The following DMD variants were observed in gnomAD, a reference collection of about 807,000 sequenced individuals.
DMD encodes dystrophin.
Under a neutral mutation model 330.1 loss-of-function variants are expected in DMD, and 63 were observed. That is an observed-to-expected ratio of 0.19 (90% CI 0.16 to 0.24). The LOEUF (loss-of-function observed/expected upper bound fraction) is 0.24. Among genes scored for constraint, DMD ranks in the 10% least tolerant of loss-of-function variants. The pLI is 1.00. For missense variants in DMD, 3,344 were observed against 2,684.1 expected, an observed-to-expected ratio of 1.25 and a Z score of -5.43; for synonymous variants, 1,223 against 959.8, an observed-to-expected ratio of 1.27 and a Z score of -5.07.
chrX:31,721,683 TCA>T (rs775842986), intron 52 of DMD, among the ~76,000 whole-genome samples: 5,440 of 38,990 alleles, frequency 0.14, 210 homozygotes, highest in East Asian at 0.22. Context: ...TCTCTCTCTC[TCA>T]CTCTCTCTCT....
At chrX:31,745,658 G>A (rs2087768308) in intron 51 of DMD, among the ~76,000 whole-genome samples, 1 of 112,009 alleles carries the variant, frequency 8.9e-6, no homozygotes, top group Non-Finnish European at 1.9e-5. Context: ...CCCATTGCTT[G>A]TAAAAACTGT....
intron 7 of DMD, among the ~76,000 whole-genome samples, chrX:32,708,287 T>G (rs1248023985): frequency 9.4e-6 from 1 of 106,857 alleles, no homozygotes; most frequent in African/African-American, 3.5e-5. Flanking sequence ...ATGATCAGGT[T>G]TTTTTTTTTT....
At chrX:32,847,569 G>A (rs1375668259) in intron 3 of DMD, among the ~76,000 whole-genome samples, 3 of 112,320 alleles carry the variant, frequency 2.7e-5, no homozygotes, top group African/African-American at 9.7e-5. Context: ...CTGGGATCGG[G>A]AGCATTTGTT....
chrX:31,353,103 A>G (rs1219802037), intron 60 of DMD, among the ~76,000 whole-genome samples: 1 of 110,986 alleles, frequency 9.0e-6, no homozygotes, highest in Admixed American at 9.7e-5. Context: ...CAAAAAACAA[A>G]TGCTATAGTC....
chrX:31,449,997 A>G (rs992619167), intron 59 of DMD, among the ~76,000 whole-genome samples: 1 of 109,169 alleles, frequency 9.2e-6, no homozygotes, highest in African/African-American at 3.3e-5. Context: ...CTTGGGCTAC[A>G]TACACGTGCA....
intron 1 of DMD, among the ~76,000 whole-genome samples, chrX:33,238,980 G>A (rs958025940): frequency 3.6e-5 from 4 of 110,611 alleles, no homozygotes; most frequent in Non-Finnish European, 5.7e-5. Context: ...ATACTGGCCG[G>A]GTGTGGTGGC....
intron 44 of DMD, among the ~76,000 whole-genome samples, chrX:32,202,254 C>T (rs2097043614): frequency 8.9e-6 from 1 of 111,940 alleles, no homozygotes; most frequent in African/African-American, 3.2e-5. Context: ...TAGTTTCTTC[C>T]CTATATTTTT....
chrX:31,473,866 C>T (rs1050959952), intron 59 of DMD, among the ~76,000 whole-genome samples: 12 of 111,290 alleles, frequency 1.1e-4, no homozygotes, highest in Non-Finnish European at 1.7e-4. Flanking sequence ...ATGTGGAACA[C>T]CTAGTAATTC....
Position 31,929,669 on chromosome X carries a change from C to T in DMD, c.6839G>A (p.Ser2280Asn), listed in dbSNP as rs1060502614. Residue 2280 changes from serine (S) to asparagine (N), a missense_variant, in exon 47 of 79, where the codon AGT (serine) becomes AAT (asparagine). Ser to Asn is a conservative substitution (Grantham distance 46). Coordinates refer to ENST00000357033, the MANE Select transcript of DMD (RefSeq NM_004006.3). The stretch of plus-strand genomic sequence containing the variant: ...TTGCTCTTCTGGGCTTATGGGAGCA[C>T]TTACAAGCACGGGTCCTCCAGTTTC... The part of the protein sequence containing the change: ...LNETGGPVLV[S>N]APISPEEQDK... 5.0e-6 allele frequency: 6 copies of T among 1,211,514 alleles called. No homozygotes were observed. The highest frequency in any genetic ancestry group is 6.7e-6 in the Non-Finnish European group (6 of 895,358).
intron 47 of DMD, among the ~76,000 whole-genome samples, chrX:31,921,911 T>C (rs1274954964): frequency 8.9e-6 from 1 of 112,107 alleles, no homozygotes; most frequent in African/African-American, 3.2e-5. Context: ...GTAAAGTGTC[T>C]GATCCATATT....
At chrX:32,154,547 A>T (rs2147197563) in intron 44 of DMD, among the ~76,000 whole-genome samples, 1 of 111,749 alleles carries the variant, frequency 8.9e-6, no homozygotes, top group South Asian at 3.7e-4. Context: ...TAGAGGTTCA[A>T]CCTAGTGTTT....
chrX:32,780,945 A>T (rs1440950105), intron 7 of DMD, among the ~76,000 whole-genome samples: 14 of 106,174 alleles, frequency 1.3e-4, no homozygotes, highest in South Asian at 1.2e-3. Flanking sequence ...AAAAAAAAAT[A>T]AAAAAAAATA....
intron 44 of DMD, among the ~76,000 whole-genome samples, chrX:32,032,746 C>T (rs894754794): frequency 3.6e-5 from 4 of 112,143 alleles, no homozygotes; most frequent in Non-Finnish European, 7.5e-5. Flanking sequence ...CTAGAAGCCC[C>T]GCTCCCATGA....
chrX:31,901,218 A>G (rs1345644301), intron 47 of DMD, among the ~76,000 whole-genome samples: 7 of 112,000 alleles, frequency 6.3e-5, no homozygotes, highest in Non-Finnish European at 1.1e-4. Flanking sequence ...ACTCAGAGAT[A>G]AAGATTTAAG....
chrX:31,209,415 T>C, intron 65 of DMD, 83 bp downstream of exon 65: 1 of 955,958 alleles, frequency 1.0e-6, no homozygotes, highest in Non-Finnish European at 1.5e-6. Flanking sequence ...CAGGGCCCTG[T>C]TGTAATGCTA....
At chrX:32,147,877 CTTT>C (rs779461772) in intron 44 of DMD, among the ~76,000 whole-genome samples, 3 of 87,964 alleles carry the variant, frequency 3.4e-5, no homozygotes, top group African/African-American at 4.2e-5. Context: ...AAAATTTCTT[CTTT>C]TTTTTTTTTT....
intron 41 of DMD, among the ~76,000 whole-genome samples, chrX:32,314,228 T>C (rs1181082240): frequency 1.8e-5 from 2 of 111,476 alleles, no homozygotes; most frequent in African/African-American, 3.3e-5. Context: ...AACAGAGGCC[T>C]CAGAAATATC....
chrX:32,264,778 T>A (rs1603629569), intron 43 of DMD, among the ~76,000 whole-genome samples: 1 of 111,787 alleles, frequency 8.9e-6, no homozygotes, highest in Non-Finnish European at 1.9e-5. Context: ...ATCTGTGGAA[T>A]TTTGAACATG....
At chrX:32,090,381 G>A (rs1029616024) in intron 44 of DMD, among the ~76,000 whole-genome samples, 1 of 112,044 alleles carries the variant, frequency 8.9e-6, no homozygotes, top group Non-Finnish European at 1.9e-5. Flanking sequence ...TGAAGGAAGA[G>A]TGTCTTCAGA....
Sources: gnomAD v4.1 joint callset for allele counts (sites outside exome capture counted in the v4.1 genomes callset) on GRCh38, gnomAD v4.1.1 for gene constraint, MANE v1.5 for transcripts, NCBI Gene and HGNC (gene_info 2026-07-23, HGNC 2026-07-21) for gene names.